The following SRRM2 variants were observed in gnomAD, a reference collection of about 807,000 sequenced individuals.
The protein encoded by SRRM2 is serine/arginine repetitive matrix 2.
Under a neutral mutation model 213.8 loss-of-function variants are expected in SRRM2, and 30 were observed. The ratio of observed to expected loss-of-function variants is 0.14; its 90% confidence interval spans 0.10 to 0.19. The LOEUF (loss-of-function observed/expected upper bound fraction) is 0.19. SRRM2 is among the 10% of genes least tolerant of loss of function. The pLI is 1.00. For missense variants in SRRM2, 4,904 were observed against 3,647.0 expected, an observed-to-expected ratio of 1.34 and a Z score of -8.88; for synonymous variants, 2,025 against 1,377.7, an observed-to-expected ratio of 1.47 and a Z score of -10.40.
Position 2,765,384 on chromosome 16 carries a change from A to C in SRRM2, c.4856A>C (p.Asp1619Ala). The part of the protein sequence containing the change: ...RAAPRAQSGS[D>A]SSPEPKAPAP... ...GCACCCAGGGCACAGAGTGGTTCTG[A>C]TTCCTCTCCTGAACCTAAAGCTCCA... The change falls in exon 11 of 15, where the codon GAT (aspartate) becomes GCT (alanine). Residue 1619 changes from aspartate to alanine, a missense_variant. Physicochemically the swap from Asp to Ala is moderately radical, Grantham distance 126 (BLOSUM62 -2). Coordinates refer to ENST00000301740, the MANE Select transcript of SRRM2 (RefSeq NM_016333.4). The C allele has an allele frequency of 6.2e-7, 1 of 1,614,128 alleles. No individual in the cohort carries two copies.
Position 2,757,484 on chromosome 16 carries a change from G to A in SRRM2, c.255G>A (p.Gln85=), listed in dbSNP as rs751840277. The change falls in exon 3 of 15, where the codon CAG becomes CAA. Residue 85 remains glutamine (Q), a synonymous_variant. Transcript: ENST00000301740. ...EMMEEQGYEE[Q]QIQEKVATFR... ...ATTTGTTCTTCAGGTACGAGGAACA[G>A]CAAATTCAGGAAAAAGTGGCGACCT... The A allele has an allele frequency of 6.4e-5, 104 of 1,613,956 alleles. 1 individual carries two copies. In the South Asian group the frequency reaches 1.1e-3, roughly 17 times the overall value.
chr16:2,757,697 T>G (rs1273886427), intron 3 of SRRM2, 84 bp from the exon 4 acceptor site: 2 of 1,584,482 alleles, frequency 1.3e-6, no homozygotes, highest in Middle Eastern at 1.7e-4. Context: ...TCCCATGCCT[T>G]ATTTGGCTCC....
chr16:2,767,614 C>T lies in SRRM2; in HGVS notation c.7086C>T (p.Ala2362=), dbSNP rs760030184. 8 of 1,614,070 alleles carry T rather than the reference C, an allele frequency of 5.0e-6. No homozygotes were observed. The Admixed American group carries it at 5.0e-5, about 10-fold the overall frequency. The change falls in exon 11 of 15, where the codon GCC becomes GCT. Residue 2362 remains alanine (A), a synonymous_variant. Transcript: ENST00000301740. Reference sequence around the variant, plus strand: ...GCTCCAGAACCGCCGCAGCCTTGGCCCCCGCGAGCCTCACCAGTGCTAGGA... The same window carrying T: ...GCTCCAGAACCGCCGCAGCCTTGGCTCCCGCGAGCCTCACCAGTGCTAGGA... ...IAGSRTAAAL[A]PASLTSARMA...
chr16:2,765,611 C>A lies in SRRM2; in HGVS notation c.5083C>A (p.Pro1695Thr), dbSNP rs771469771. Reference sequence around the variant, plus strand: ...TCGACGTCGCAGCTCTCGATCATCTCCGGAGCTAACAAGGAAGGCCAGACT... The same window carrying A: ...TCGACGTCGCAGCTCTCGATCATCTACGGAGCTAACAAGGAAGGCCAGACT... ...PPRRRSSRSS[P>T]ELTRKARLSR... is the part of the protein sequence containing the mutation. The change falls in exon 11 of 15, where the codon CCG becomes ACG. Residue 1695 changes from proline (P) to threonine (T), a missense_variant. By Grantham distance (38) the Pro-to-Thr change is conservative. Transcript: ENST00000301740. The A allele has an allele frequency of 6.2e-7, 1 of 1,614,176 alleles. No homozygotes were observed. The highest frequency in any genetic ancestry group is 1.3e-5 in the African/African-American group (1 of 75,040).
intron 1 of SRRM2, among the ~76,000 whole-genome samples, chr16:2,754,534 C>G (rs755124676): frequency 6.6e-6 from 1 of 152,184 alleles, no homozygotes; most frequent in South Asian, 2.1e-4. Context: ...TGGTGATCCG[C>G]CCACCTCGGC....
chr16:2,759,385 G>A lies in SRRM2; in HGVS notation c.723G>A (p.Lys241=). ...SPTPKSKRKS[K]DKKRKRSRST... ...CTCCAAAGAGCAAACGTAAATCTAAGGACAAAAAGCGAAAGCGGTGAGTGA... is the reference window on the plus strand; with the variant it reads ...CTCCAAAGAGCAAACGTAAATCTAAAGACAAAAAGCGAAAGCGGTGAGTGA... Residue 241 remains lysine (K), a synonymous_variant, in exon 8 of 15, where the codon AAG becomes AAA. Transcript: ENST00000301740. 1 of 1,594,420 alleles carries A rather than the reference G, an allele frequency of 6.3e-7. No individual in the cohort carries two copies. Among genetic ancestry groups the A allele is most frequent in the East Asian group, 2.2e-5 (1 of 44,832 alleles).
rs780111055 is a variant in SRRM2 at position 2,770,931 on chromosome 16, C to T, written c.*64C>T. ...AGCCACAAGGAGTGTCCCTTCTTCC[C>T]CAGCAGAGCCGTGGGAGGGTCCTTG... is the stretch of plus-strand genomic sequence containing the variant. On this transcript the variant is annotated 3_prime_UTR_variant, in exon 15 of 15. Coordinates refer to ENST00000301740, the MANE Select transcript of SRRM2 (RefSeq NM_016333.4). The T allele has an allele frequency of 1.9e-6, 3 of 1,606,286 alleles. No individual in the cohort carries two copies. Among genetic ancestry groups the T allele is most frequent in the Non-Finnish European group, 2.6e-6 (3 of 1,175,264 alleles).
chr16:2,761,278 T>C (rs1469983163), intron 10 of SRRM2, among the ~76,000 whole-genome samples: 2 of 152,260 alleles, frequency 1.3e-5, no homozygotes, highest in Non-Finnish European at 2.9e-5. Flanking sequence ...ATAGTTTTTT[T>C]CCATTCTTAT....
rs987896693 is a variant in SRRM2 at position 2,759,112 on chromosome 16, A to G, written c.657-28A>G. 3.1e-6 allele frequency: 5 copies of G among 1,613,992 alleles called. No individual in the cohort carries two copies. The African/African-American group carries it at 5.3e-5, about 17-fold the overall frequency. ...CTGAATTCAGGCAGAGGTGTTTCTT[A>G]TGTTTTTTCTTCTCTTTTTTCCAAC... On this transcript the variant is annotated intron_variant, in intron 6 of 14. Transcript: ENST00000301740.
chr16:2,755,929 T>G (rs1280382427), intron 1 of SRRM2, among the ~76,000 whole-genome samples: 1 of 152,130 alleles, frequency 6.6e-6, no homozygotes, highest in Non-Finnish European at 1.5e-5. Flanking sequence ...TACCAGAGGT[T>G]AGGAATTAGA....
Position 2,770,898 on chromosome 16 carries a change from T to C in SRRM2, c.*31T>C, listed in dbSNP as rs1237100335. ...CTTTGGGGGATTCCACCACACCCAA[T>C]GCTCTGGAGCCACAAGGAGTGTCCC... On this transcript the variant is annotated 3_prime_UTR_variant, in exon 15 of 15. Transcript: ENST00000301740. 6.2e-7 allele frequency: 1 copy of C among 1,613,400 alleles called. No homozygotes were observed. The highest frequency in any genetic ancestry group is 1.7e-5 in the Admixed American group (1 of 59,996).
At position 2,765,090 on chromosome 16, in the gene SRRM2, C is replaced by T. The variant is rs1216269426; in HGVS notation, c.4562C>T (p.Ser1521Leu). Residue 1521 changes from serine to leucine, a missense_variant, in exon 11 of 15, where the codon TCA becomes TTA. Ser to Leu is a moderately radical substitution (Grantham distance 145, BLOSUM62 -2). Coordinates refer to ENST00000301740, the MANE Select transcript of SRRM2 (RefSeq NM_016333.4). The part of the protein sequence containing the change: ...TPQRERSGSE[S>L]SVDQKTVART... ...CAGAGAGAAAGAAGCGGGTCAGAAT[C>T]ATCAGTTGATCAGAAAACTGTGGCT... 3 of 1,614,064 alleles carry T rather than the reference C, an allele frequency of 1.9e-6. No individual in the cohort carries two copies. The highest frequency in any genetic ancestry group is 2.7e-5 in the African/African-American group (2 of 74,928).
intron 5 of SRRM2, 52 bp downstream of exon 5, chr16:2,758,599 T>A (rs1357859931): frequency 1.3e-6 from 2 of 1,535,884 alleles, no homozygotes; most frequent in Non-Finnish European, 1.8e-6. Context: ...TCCTGTGGTG[T>A]ACCTTTCTCT....
At chr16:2,753,407 C>T (rs1384057762) in intron 1 of SRRM2, 1 of 152,234 alleles carries the variant, frequency 6.6e-6, no homozygotes, top group South Asian at 2.1e-4. Flanking sequence ...CTTCGTGGGC[C>T]GGATTTAAAT....
In SRRM2 at chr16:2,769,107, C is replaced by G; in HGVS notation, c.7844C>G (p.Ser2615Cys). 1 of 1,613,986 alleles carries G rather than the reference C, an allele frequency of 6.2e-7. No homozygotes were observed. The highest frequency in any genetic ancestry group is 8.5e-7 in the Non-Finnish European group (1 of 1,179,948). ...RRSSSSSSSS[S>C]SSSSSSSSSS... Reference sequence around the variant, plus strand: ...TCTAGCAGTTCCAGTTCCAGCTCCTCCTCTTCATCTTCCTCCTCCTCCTCC... The same window carrying G: ...TCTAGCAGTTCCAGTTCCAGCTCCTGCTCTTCATCTTCCTCCTCCTCCTCC... The change falls in exon 12 of 15, where the codon TCC becomes TGC. Residue 2615 changes from serine (S) to cysteine (C), a missense_variant. Ser to Cys is a moderately radical substitution (Grantham distance 112). Coordinates refer to ENST00000301740, the MANE Select transcript of SRRM2 (RefSeq NM_016333.4).
intron 10 of SRRM2, 121 bp from the exon 11 acceptor site, chr16:2,761,440 G>A (rs776310375): frequency 5.8e-6 from 4 of 693,122 alleles, no homozygotes; most frequent in African/African-American, 1.8e-5. Flanking sequence ...GAAAGTGATC[G>A]CTTGTGGTCA....
intron 10 of SRRM2, among the ~76,000 whole-genome samples, chr16:2,761,306 TTTGTTAAATGTAGTAG>T (rs1252329947): frequency 2.0e-5 from 3 of 152,376 alleles, no homozygotes; most frequent in Non-Finnish European, 4.4e-5. Flanking sequence ...TGTAGTGGTA[TTTGTTAAATGTAGTAG>T]TGCATTAGTT....
intron 12 of SRRM2, 129 bp downstream of exon 12, chr16:2,769,413 C>T: frequency 9.5e-7 from 1 of 1,052,558 alleles, no homozygotes; most frequent in South Asian, 1.6e-5. Context: ...GGGGAGGAGG[C>T]ACTTGCTCTC....
rs756938698 is a variant in SRRM2, at chr16:2,763,493, C to T, written c.2965C>T (p.His989Tyr). 3.1e-6 allele frequency: 5 copies of T among 1,614,028 alleles called. No homozygotes were observed. The African/African-American group carries it at 6.7e-5, about 22-fold the overall frequency. ...VKPETPPRQS[H>Y]SGSISPYPKV... ...ACCTGAAACACCGCCAAGACAAAGTCACTCAGGGTCTATTTCACCATACCC... is the reference window on the plus strand; with the variant it reads ...ACCTGAAACACCGCCAAGACAAAGTTACTCAGGGTCTATTTCACCATACCC... The change falls in exon 11 of 15, where the codon CAC (histidine) becomes TAC (tyrosine). Residue 989 changes from histidine (H) to tyrosine (Y), a missense_variant. His to Tyr is a moderately conservative substitution (Grantham distance 83). Coordinates refer to ENST00000301740, the MANE Select transcript of SRRM2 (RefSeq NM_016333.4).
Sources: allele counts gnomAD v4.1 joint callset (sites outside exome capture counted in the v4.1 genomes callset), GRCh38; gene constraint gnomAD v4.1.1; transcripts MANE v1.5; gene names NCBI Gene and HGNC (gene_info 2026-07-23, HGNC 2026-07-21).